The following ARHGAP24 variants were observed in gnomAD, a reference collection of about 807,000 sequenced individuals.
The protein encoded by ARHGAP24 is rho GTPase-activating protein 24.
Under a neutral mutation model 76.4 loss-of-function variants are expected in ARHGAP24, and 50 were observed. The observed-to-expected ratio is 0.65, with a 90% confidence interval of 0.52 to 0.83. The LOEUF is 0.83. Ranked by LOEUF, ARHGAP24 falls within the 40% of genes least tolerant of loss-of-function variation. ARHGAP24 has a pLI of 0.00. For missense variants in ARHGAP24, 930 were observed against 914.2 expected, an observed-to-expected ratio of 1.02 and a Z score of -0.22; for synonymous variants, 345 against 323.3, an observed-to-expected ratio of 1.07 and a Z score of -0.72.
chr4:85,796,392 C>A (rs1728340705), intron 3 of ARHGAP24, among the ~76,000 whole-genome samples: 1 of 152,090 alleles, frequency 6.6e-6, no homozygotes, highest in South Asian at 2.1e-4. Flanking sequence ...TCTACATTAG[C>A]CTTCCTATTA....
intron 2 of ARHGAP24, among the ~76,000 whole-genome samples, chr4:85,628,112 G>A (rs1390337517): frequency 3.9e-5 from 6 of 152,154 alleles, no homozygotes; most frequent in African/African-American, 1.4e-4. Context: ...ACTCCCCGGT[G>A]AGATGAACCC....
At chr4:85,932,136 G>C (rs1418641851) in intron 4 of ARHGAP24, among the ~76,000 whole-genome samples, 1 of 152,128 alleles carries the variant, frequency 6.6e-6, no homozygotes, top group East Asian at 1.9e-4. Context: ...GATTTCAGGT[G>C]TTAATTTACA....
intron 2 of ARHGAP24, among the ~76,000 whole-genome samples, chr4:85,626,722 G>A (rs940243649): frequency 1.3e-5 from 2 of 152,214 alleles, no homozygotes; most frequent in African/African-American, 2.4e-5. Context: ...CCAATCAGAC[G>A]TAGATTTGGT....
chr4:85,898,543 G>A (rs1190384203), intron 3 of ARHGAP24, among the ~76,000 whole-genome samples: 1 of 152,106 alleles, frequency 6.6e-6, no homozygotes, highest in Non-Finnish European at 1.5e-5. Flanking sequence ...CATGCATTTG[G>A]TAAATCATTT....
At chr4:85,557,672 A>G (rs1246916144) in intron 1 of ARHGAP24, among the ~76,000 whole-genome samples, 1 of 145,876 alleles carries the variant, frequency 6.9e-6, no homozygotes, top group Admixed American at 6.9e-5. Flanking sequence ...ACCACTCTTT[A>G]TTCTCTCCGT....
At chr4:85,941,224 C>T (rs1736929170) in intron 4 of ARHGAP24, among the ~76,000 whole-genome samples, 1 of 152,080 alleles carries the variant, frequency 6.6e-6, no homozygotes, top group South Asian at 2.1e-4. Flanking sequence ...AAAGTATTAT[C>T]TCTTAATTAG....
chr4:85,720,183 CA>C (rs1442666204), intron 2 of ARHGAP24, among the ~76,000 whole-genome samples: 1 of 152,030 alleles, frequency 6.6e-6, no homozygotes, highest in Non-Finnish European at 1.5e-5. Context: ...TTAATGGGTG[CA>C]GCACACCAAC....
intron 2 of ARHGAP24, among the ~76,000 whole-genome samples, chr4:85,718,198 G>GT (rs763995492): frequency 6.6e-6 from 1 of 152,080 alleles, no homozygotes; most frequent in Non-Finnish European, 1.5e-5. Context: ...AATTATAAAT[G>GT]TATTACAGCA....
rs1223758193 is a variant in ARHGAP24, at chr4:85,923,775, G to A, written c.391+5G>A. The A allele has an allele frequency of 1.2e-6, 2 of 1,613,930 alleles. No individual in the cohort carries two copies. Among genetic ancestry groups the A allele is most frequent in the Non-Finnish European group, 1.7e-6 (2 of 1,179,898 alleles). On this transcript the variant is annotated splice_donor_5th_base_variant and intron_variant, in intron 4 of 9. Transcript: ENST00000395184. ...TATGGGGACCTTTCGGAGGAGGTGA[G>A]TGTACTTTAAAATCATGGAAAAACA...
At chr4:85,990,777 T>C (rs1429821100) in intron 8 of ARHGAP24, 1 of 151,890 alleles carries the variant, frequency 6.6e-6, no homozygotes, top group African/African-American at 2.4e-5. Context: ...AAACTTAAAA[T>C]GGATCACAGA....
At chr4:85,489,509 A>G (rs1487875384) in intron 1 of ARHGAP24, among the ~76,000 whole-genome samples, 1 of 152,162 alleles carries the variant, frequency 6.6e-6, no homozygotes. Context: ...GGAGAGGTCA[A>G]ATAGAGCCAG....
intron 1 of ARHGAP24, among the ~76,000 whole-genome samples, chr4:85,501,503 G>T (rs1723814814): frequency 6.6e-6 from 1 of 152,110 alleles, no homozygotes; most frequent in Admixed American, 6.5e-5. Flanking sequence ...TCATGTGTCT[G>T]TTGGCTGCAT....
rs116278051 is a variant in ARHGAP24, at chr4:85,709,731, C to A, written c.181-12154C>A. Among the ~76,000 whole-genome samples, 802 of 152,218 alleles carry A rather than the reference C, an allele frequency of 5.3e-3. 6 individuals are homozygous for A. The highest frequency in any genetic ancestry group is 0.018 in the African/African-American group (759 of 41,550). ...AATCACTAGCATTCCTATATACCAA[C>A]AACTGTCAAGACACAAACCAAATCA... On this transcript the variant is annotated intron_variant, in intron 2 of 9. Coordinates refer to ENST00000395184, the MANE Select transcript of ARHGAP24 (RefSeq NM_001025616.3).
At chr4:85,680,150 A>G (rs1312224621) in intron 2 of ARHGAP24, among the ~76,000 whole-genome samples, 2 of 152,180 alleles carry the variant, frequency 1.3e-5, no homozygotes, top group East Asian at 3.9e-4. Flanking sequence ...CTCTAATATT[A>G]TGAATCTGAT....
At chr4:85,776,153 G>A (rs1239171661) in intron 3 of ARHGAP24, among the ~76,000 whole-genome samples, 2 of 152,096 alleles carry the variant, frequency 1.3e-5, no homozygotes. Flanking sequence ...TCACCAAAGA[G>A]CTCTCTGGGA....
At chr4:85,619,127 G>A (rs1057295434) in intron 2 of ARHGAP24, among the ~76,000 whole-genome samples, 18 of 151,970 alleles carry the variant, frequency 1.2e-4, no homozygotes, top group African/African-American at 4.3e-4. Flanking sequence ...AATTCATTTT[G>A]AGTTAATTTT....
intron 3 of ARHGAP24, among the ~76,000 whole-genome samples, chr4:85,893,536 G>T (rs1279641900): frequency 2.4e-5 from 2 of 83,636 alleles, no homozygotes; most frequent in Non-Finnish European, 4.9e-5. Flanking sequence ...TCCTTCAGGA[G>T]CTCTTTTAGG....
chr4:85,723,253 GT>G (rs1398309650), intron 3 of ARHGAP24: 8 of 152,180 alleles, frequency 5.3e-5, no homozygotes, highest in African/African-American at 1.9e-4. Context: ...TGAACTGATG[GT>G]TGACTCTTTA....
chr4:85,579,493 G>GTTT (rs5859985), intron 2 of ARHGAP24, among the ~76,000 whole-genome samples: 1 of 128,802 alleles, frequency 7.8e-6, no homozygotes, highest in Admixed American at 7.8e-5. Context: ...TCTCTTTTAG[G>GTTT]TTTTTTTTTT....
Sources: allele counts gnomAD v4.1 joint callset (sites outside exome capture counted in the v4.1 genomes callset), GRCh38; gene constraint gnomAD v4.1.1; transcripts MANE v1.5; gene names NCBI Gene and HGNC (gene_info 2026-07-23, HGNC 2026-07-21).